KAZN: variants seen among roughly 807,000 people sequenced by gnomAD.
The protein encoded by KAZN is kazrin.
A neutral mutation model predicts 87.4 loss-of-function variants in KAZN; 40 were observed. The ratio of observed to expected loss-of-function variants is 0.46; its 90% CI spans 0.36 to 0.60. KAZN has a LOEUF of 0.60. KAZN is among the 20% of genes least tolerant of loss of function. The pLI, the probability that KAZN is intolerant of heterozygous loss-of-function variation, is 0.00. For missense variants in KAZN, 898 were observed against 1,073.9 expected, an observed-to-expected ratio of 0.84 and a Z score of 2.29; for synonymous variants, 466 against 458.3, an observed-to-expected ratio of 1.02 and a Z score of -0.22.
intron 6 of KAZN, 164 bp from the exon 7 acceptor site, chr1:15,063,408 G>T (rs1395041752): frequency 6.1e-6 from 4 of 653,544 alleles, no homozygotes; most frequent in South Asian, 5.2e-5. Flanking sequence ...CCATCTGGGG[G>T]TATCTGCTTC....
intron 2 of KAZN, among the ~76,000 whole-genome samples, chr1:15,034,220 C>G (rs1672017365): frequency 6.6e-6 from 1 of 152,154 alleles, no homozygotes; most frequent in South Asian, 2.1e-4. Context: ...TTGATGAATT[C>G]CGATCTATCT....
intron 1 of KAZN, among the ~76,000 whole-genome samples, chr1:14,027,005 A>G (rs1218181092): frequency 6.6e-6 from 1 of 152,180 alleles, no homozygotes; most frequent in East Asian, 1.9e-4. Context: ...CAGCATAGAC[A>G]AAGAATGGGA....
At chr1:14,866,556 C>T (rs1202715930) in intron 1 of KAZN, among the ~76,000 whole-genome samples, 2 of 151,982 alleles carry the variant, frequency 1.3e-5, no homozygotes, top group East Asian at 3.9e-4. Context: ...CTTTTGCCCC[C>T]GTCTCTGCCA....
intron 2 of KAZN, among the ~76,000 whole-genome samples, chr1:14,393,544 T>C (rs138123956): frequency 6.6e-6 from 1 of 152,234 alleles, no homozygotes; most frequent in African/African-American, 2.4e-5. Context: ...AGAATAATAG[T>C]TCATAGTAGC....
chr1:14,921,027 C>T (rs1385613123), intron 1 of KAZN, among the ~76,000 whole-genome samples: 1 of 152,086 alleles, frequency 6.6e-6, no homozygotes, highest in Non-Finnish European at 1.5e-5. Context: ...TGCCAGCTAG[C>T]AGAGTTGAGA....
At chr1:14,190,126 C>T (rs933924131) in intron 2 of KAZN, among the ~76,000 whole-genome samples, 2 of 152,026 alleles carry the variant, frequency 1.3e-5, no homozygotes, top group Admixed American at 6.6e-5. Context: ...GCTAGAAACA[C>T]GATGAGCCAT....
intron 2 of KAZN, among the ~76,000 whole-genome samples, chr1:14,588,032 G>C (rs1003358036): frequency 6.6e-6 from 1 of 152,200 alleles, no homozygotes; most frequent in African/African-American, 2.4e-5. Context: ...CTGAGTCTCA[G>C]CCCTGCCACT....
intron 2 of KAZN, among the ~76,000 whole-genome samples, chr1:14,422,960 C>G (rs1665518154): frequency 6.6e-6 from 1 of 152,240 alleles, no homozygotes; most frequent in Admixed American, 6.5e-5. Context: ...TAAGGGCTGA[C>G]TTGTAGCAGC....
At chr1:14,223,403 G>A (rs1398952105) in intron 2 of KAZN, among the ~76,000 whole-genome samples, 1 of 152,112 alleles carries the variant, frequency 6.6e-6, no homozygotes, top group Non-Finnish European at 1.5e-5. Context: ...TCTATTTTGG[G>A]TCTGTGTAAA....
intron 2 of KAZN, among the ~76,000 whole-genome samples, chr1:14,191,963 T>C (rs940309155): frequency 5.9e-5 from 9 of 152,284 alleles, no homozygotes; most frequent in African/African-American, 1.7e-4. Context: ...GGCTGTCTCA[T>C]TGGCCACCAG....
At chr1:14,607,285 T>C (rs929526617) in intron 1 of KAZN, among the ~76,000 whole-genome samples, 2 of 152,158 alleles carry the variant, frequency 1.3e-5, no homozygotes, top group Admixed American at 6.5e-5. Context: ...GTAAGTACAG[T>C]GTTTGTCATT....
chr1:14,444,896 T>C lies in KAZN; in HGVS notation c.250-154087T>C, dbSNP rs563884117. Among the ~76,000 whole-genome samples, 18 of 152,332 alleles carry C rather than the reference T, an allele frequency of 1.2e-4. No homozygotes were observed. In the South Asian group the frequency reaches 3.1e-3, roughly 26 times the overall value. On this transcript the variant is annotated intron_variant, in intron 2 of 16. Coordinates refer to the KAZN transcript ENST00000636203. The stretch of plus-strand genomic sequence containing the variant: ...AGTTTCATGTTATGGGTTGAATTTG[T>C]TCCCCCCAAAATTCACATATTGAAG...
intron 2 of KAZN, among the ~76,000 whole-genome samples, chr1:14,374,081 C>G (rs1479149292): frequency 6.6e-6 from 1 of 152,202 alleles, no homozygotes; most frequent in Non-Finnish European, 1.5e-5. Context: ...TAGCTACTCT[C>G]CTGCAACTTT....
chr1:14,473,434 C>G (rs1258516736), intron 2 of KAZN, among the ~76,000 whole-genome samples: 1 of 152,130 alleles, frequency 6.6e-6, no homozygotes, highest in Non-Finnish European at 1.5e-5. Flanking sequence ...TGAGACCAGC[C>G]TGACCAATAT....
intron 2 of KAZN, among the ~76,000 whole-genome samples, chr1:14,215,297 G>A (rs922154723): frequency 4.6e-5 from 7 of 152,124 alleles, no homozygotes; most frequent in African/African-American, 1.7e-4. Flanking sequence ...CATTTTTTAG[G>A]CTGTGTCAGG....
At chr1:14,361,086 A>G (rs182026470) in intron 2 of KAZN, among the ~76,000 whole-genome samples, 134 of 152,312 alleles carry the variant, frequency 8.8e-4, no homozygotes, top group African/African-American at 3.0e-3. Context: ...AGTTTTATCT[A>G]TAGGCCCGAC....
intron 1 of KAZN, among the ~76,000 whole-genome samples, chr1:14,619,001 C>A (rs1678476734): frequency 6.6e-6 from 1 of 152,038 alleles, no homozygotes; most frequent in African/African-American, 2.4e-5. Flanking sequence ...AGGACGACAG[C>A]ATGGCTTGTT....
At chr1:15,069,635 A>C (rs1357346427) in intron 8 of KAZN, among the ~76,000 whole-genome samples, 1 of 152,226 alleles carries the variant, frequency 6.6e-6, no homozygotes, top group Non-Finnish European at 1.5e-5. Context: ...TCAAAAAAAT[A>C]AATAAATATT....
rs146279975 is a variant in KAZN at position 14,624,458 on chromosome 1, A to C, written c.226+25235A>C. Among the ~76,000 whole-genome samples the C allele has an allele frequency of 3.3e-3, 503 of 151,860 alleles. 5 individuals are homozygous for C. Among genetic ancestry groups the C allele is most frequent in the African/African-American group, 0.012 (476 of 41,368 alleles). ...AAAACAACAAAAAAAACCACTAACTATTATGGATTTGTCTATTTCTCCCTG... is the reference window on the plus strand; with the variant it reads ...AAAACAACAAAAAAAACCACTAACTCTTATGGATTTGTCTATTTCTCCCTG... On this transcript the variant is annotated intron_variant, in intron 1 of 14. Transcript: ENST00000376030.
Sources: gnomAD v4.1 joint callset for allele counts (sites outside exome capture counted in the v4.1 genomes callset) on GRCh38, gnomAD v4.1.1 for gene constraint, MANE v1.5 for transcripts, NCBI Gene and HGNC (gene_info 2026-07-23, HGNC 2026-07-21) for gene names.